Variants in BCL2L1 observed in about 807,000 individuals in gnomAD.
The protein encoded by BCL2L1 is BCL2 like 1.
BCL2L1 carries 1 observed loss-of-function variant against 18.7 expected under a neutral mutation model. That is an observed-to-expected ratio of 0.05 (90% CI 0.02 to 0.25). The LOEUF (loss-of-function observed/expected upper bound fraction) is 0.25, where lower values mean the gene tolerates loss of function less well. Ranked by LOEUF, BCL2L1 falls within the 10% of genes least tolerant of loss-of-function variation. BCL2L1 has a pLI of 1.00. For missense variants in BCL2L1, 207 were observed against 304.9 expected (o/e 0.68, Z 2.39); for synonymous variants, 103 against 122.7 (o/e 0.84, Z 1.06).
intron 2 of BCL2L1, among the ~76,000 whole-genome samples, chr20:31,690,679 TC>T (rs1191232729): frequency 7.2e-5 from 11 of 152,014 alleles, no homozygotes; most frequent in Non-Finnish European, 4.4e-5. Context: ...CAAGCAATTC[TC>T]ATGTCTCAGC....
rs75292820 is a variant in BCL2L1 at position 31,673,815 on chromosome 20, G to C, written c.565-7729C>G. On this transcript the variant is annotated intron_variant, in intron 2 of 2. Transcript: ENST00000307677. ...ACATGTACAATCATCATATTCACTT[G>C]AGAGATTATTTTTTGTCCTGTCTCC... Among the ~76,000 whole-genome samples the C allele has an allele frequency of 8.0e-3, 1,224 of 152,278 alleles. 13 individuals carry two copies. Among genetic ancestry groups the C allele is most frequent in the East Asian group, 0.036 (187 of 5,176 alleles).
chr20:31,714,381 CAACAGA>C (rs1446409118), intron 2 of BCL2L1, among the ~76,000 whole-genome samples: 2 of 152,210 alleles, frequency 1.3e-5, no homozygotes, highest in Non-Finnish European at 2.9e-5. Context: ...GCTCCTACTA[CAACAGA>C]AATGCTGCAA....
At chr20:31,714,865 G>A (rs1224486150) in intron 2 of BCL2L1, among the ~76,000 whole-genome samples, 2 of 152,058 alleles carry the variant, frequency 1.3e-5, no homozygotes, top group South Asian at 2.1e-4. Flanking sequence ...TGCAAGCCTG[G>A]TCTTATTCTC....
At chr20:31,693,004 G>C (rs949235910) in intron 2 of BCL2L1, among the ~76,000 whole-genome samples, 1 of 150,630 alleles carries the variant, frequency 6.6e-6, no homozygotes, top group African/African-American at 2.4e-5. Context: ...CCAGGAGGCG[G>C]AGGTTGCAGT....
chr20:31,719,515 A>C (rs1340287487), intron 2 of BCL2L1, among the ~76,000 whole-genome samples: 1 of 152,148 alleles, frequency 6.6e-6, no homozygotes, highest in African/African-American at 2.4e-5. Context: ...CCTTAGGGAG[A>C]GAATGTGTGC....
At chr20:31,721,254 A>G (rs1306670463) in intron 2 of BCL2L1, among the ~76,000 whole-genome samples, 4 of 152,200 alleles carry the variant, frequency 2.6e-5, no homozygotes, top group Non-Finnish European at 4.4e-5. Flanking sequence ...TGGGTCATTG[A>G]TGCTCATCAT....
chr20:31,715,003 G>A lies in BCL2L1; in HGVS notation c.564+6652C>T, dbSNP rs139609758. Among the ~76,000 whole-genome samples, 847 of 152,220 alleles carry A rather than the reference G, an allele frequency of 5.6e-3. 7 individuals carry two copies. Among genetic ancestry groups the A allele is most frequent in the African/African-American group, 0.019 (800 of 41,524 alleles). On this transcript the variant is annotated intron_variant, in intron 2 of 2. Coordinates refer to ENST00000307677, the MANE Select transcript of BCL2L1 (RefSeq NM_138578.3). ...TAAGAATACAGACCAGGCCTGGCAC[G>A]GTGGCTCACGCCTGTAATTCCAGCA...
chr20:31,723,572 T>TC (rs1333377427), upstream of BCL2L1: 13 of 983,454 alleles, frequency 1.3e-5, no homozygotes, highest in African/African-American at 1.6e-4. Flanking sequence ...GCAACCGCCC[T>TC]CCCCCGGGGG....
In BCL2L1 at chr20:31,703,906, T is replaced by G. The variant is rs1376287635; in HGVS notation, c.564+17749A>C. Among the ~76,000 whole-genome samples, 3 of 151,004 alleles carry G rather than the reference T, an allele frequency of 2.0e-5. No individual in the cohort carries two copies. The East Asian group carries it at 5.8e-4, about 29-fold the overall frequency. ...TCTGCCTCCCAGGTTCAAGCGATTC[T>G]CCTGCCTCAGCCTCCCAAGTAGCCG... On this transcript the variant is annotated intron_variant, in intron 2 of 2. Coordinates refer to ENST00000307677, the MANE Select transcript of BCL2L1 (RefSeq NM_138578.3).
intron 2 of BCL2L1, among the ~76,000 whole-genome samples, chr20:31,679,703 G>T (rs546608642): frequency 6.6e-6 from 1 of 152,158 alleles, no homozygotes; most frequent in Admixed American, 6.5e-5. Context: ...TGTCTCTGTC[G>T]CCCAGGCTGG....
chr20:31,668,857 G>A (rs932732135), intron 2 of BCL2L1, among the ~76,000 whole-genome samples: 3 of 151,218 alleles, frequency 2.0e-5, no homozygotes, highest in African/African-American at 4.9e-5. Context: ...TGCTCACCTC[G>A]GCCTCCCAAA....
intron 2 of BCL2L1, among the ~76,000 whole-genome samples, chr20:31,680,682 T>C (rs1430178800): frequency 6.6e-6 from 1 of 152,188 alleles, no homozygotes; most frequent in Non-Finnish European, 1.5e-5. Context: ...ATTCAACAAA[T>C]CTTCATTAAG....
chr20:31,715,257 G>C (rs975311897), intron 2 of BCL2L1, among the ~76,000 whole-genome samples: 3 of 140,850 alleles, frequency 2.1e-5, no homozygotes, highest in African/African-American at 8.1e-5. Flanking sequence ...GGGAGACAGA[G>C]AAAGACTCTG....
chr20:31,674,736 G>A (rs1403094412), intron 2 of BCL2L1, among the ~76,000 whole-genome samples: 11 of 151,988 alleles, frequency 7.2e-5, no homozygotes, highest in Admixed American at 7.2e-4. Flanking sequence ...TTAGCTGAGT[G>A]TGTTGGCATG....
intron 2 of BCL2L1, among the ~76,000 whole-genome samples, chr20:31,708,962 C>T (rs1258913118): frequency 6.6e-6 from 1 of 152,224 alleles, no homozygotes; most frequent in Non-Finnish European, 1.5e-5. Flanking sequence ...AAAATAACAA[C>T]CAGGGCAGCT....
chr20:31,671,832 C>T (rs1324795967), intron 2 of BCL2L1, among the ~76,000 whole-genome samples: 1 of 149,674 alleles, frequency 6.7e-6, no homozygotes, highest in Non-Finnish European at 1.5e-5. Flanking sequence ...AATTTGAATA[C>T]CTCAGCTATA....
At chr20:31,720,481 AAACAGGACTGAATTCACTG>A (rs1191444688) in intron 2 of BCL2L1, 1 of 960,908 alleles carries the variant, frequency 1.0e-6, no homozygotes, top group Non-Finnish European at 1.2e-6. Context: ...ATAAGCAAGA[AAACAGGACTGAATTCACTG>A]AAGAGCAAAA....
intron 2 of BCL2L1, among the ~76,000 whole-genome samples, chr20:31,702,612 C>T (rs2061296545): frequency 6.6e-6 from 1 of 151,812 alleles, no homozygotes; most frequent in Admixed American, 6.6e-5. Context: ...CTCCCAGGTT[C>T]AAGTGATTCT....
intron 2 of BCL2L1, among the ~76,000 whole-genome samples, chr20:31,681,936 G>A (rs2060870892): frequency 6.6e-6 from 1 of 152,268 alleles, no homozygotes; most frequent in Admixed American, 6.5e-5. Flanking sequence ...GTGCAGCAAA[G>A]GGAGGGCAGG....
Sources: allele counts gnomAD v4.1 joint callset (sites outside exome capture counted in the v4.1 genomes callset), GRCh38; gene constraint gnomAD v4.1.1; transcripts MANE v1.5; gene names NCBI Gene and HGNC (gene_info 2026-07-23, HGNC 2026-07-21).